FRMD6: variants seen among roughly 807,000 people sequenced by gnomAD.
The protein encoded by FRMD6 is FERM domain-containing protein 6.
In FRMD6, 37 loss-of-function variants were observed where a neutral mutation model predicts 73.2. The observed-to-expected ratio is 0.51, with a 90% CI of 0.39 to 0.66. The LOEUF is 0.66. Ranked by LOEUF, FRMD6 falls within the 30% of genes least tolerant of loss-of-function variation. The probability of loss-of-function intolerance (pLI) is 0.00; values close to 1 mark genes in which losing one functional copy is unlikely to be tolerated. For synonymous variants in FRMD6, 273 were observed against 282.2 expected (o/e 0.97, Z 0.33); for missense variants, 714 against 780.5 (o/e 0.91, Z 1.02).
chr14:51,503,952 A>C (rs901880921), intron 1 of FRMD6, among the ~76,000 whole-genome samples: 2 of 151,970 alleles, frequency 1.3e-5, no homozygotes, highest in South Asian at 4.2e-4. Context: ...TTCCTGGTTC[A>C]ATCTTGGGAG....
At chr14:51,488,809 TC>T (rs1323098562), upstream of FRMD6, among the ~76,000 whole-genome samples, 1 of 152,228 alleles carries the variant, frequency 6.6e-6, no homozygotes, top group Non-Finnish European at 1.5e-5. Context: ...CGAAGTTCGA[TC>T]CCTAACCAGT....
upstream of FRMD6, chr14:51,650,435 G>A (rs1009508529): frequency 8.7e-4 from 103 of 118,758 alleles, no homozygotes; most frequent in African/African-American, 3.2e-3. Context: ...TCGCTCTGTC[G>A]CCCAGGCTGG....
At chr14:51,419,184 G>T in the FRMD6 span, among the ~76,000 whole-genome samples, 45,714 of 152,040 alleles carry the variant, frequency 0.3, 7,352 homozygotes, top group African/African-American at 0.41. Context: ...TGTGGGCTGT[G>T]CCCACTGTCC....
chr14:51,610,006 C>T (rs1890422417), intron 2 of FRMD6, among the ~76,000 whole-genome samples: 1 of 152,118 alleles, frequency 6.6e-6, no homozygotes. Flanking sequence ...TCTTCCACAT[C>T]CAGCTGTATG....
At position 51,607,008 on chromosome 14, in the gene FRMD6, TG is replaced by T. The variant is rs1890284896; in HGVS notation, c.-147+36599del. 2.6e-5 allele frequency among the ~76,000 whole-genome samples: 4 copies of T among 152,148 alleles called. No homozygotes were observed. In the South Asian group the frequency reaches 8.3e-4, roughly 32 times the overall value. On this transcript the variant is annotated intron_variant, in intron 2 of 14. Coordinates refer to the FRMD6 transcript ENST00000356218. The stretch of plus-strand genomic sequence containing the variant: ...GCAGACAGGTCTGCACTTTCTTTTC[TG>T]TGTTTATTCTGTCCGGGTCCCCAGT...
chr14:51,600,471 G>A (rs1889978328), intron 2 of FRMD6, among the ~76,000 whole-genome samples: 1 of 152,226 alleles, frequency 6.6e-6, no homozygotes, highest in African/African-American at 2.4e-5. Flanking sequence ...AGAGTTCACT[G>A]TGAATATTTA....
At chr14:51,511,308 T>C (rs910740749) in intron 1 of FRMD6, among the ~76,000 whole-genome samples, 2 of 152,248 alleles carry the variant, frequency 1.3e-5, no homozygotes, top group Non-Finnish European at 2.9e-5. Context: ...GATGGTATCA[T>C]AGAGGCCAGT....
At chr14:51,402,913 C>A in the FRMD6 span, among the ~76,000 whole-genome samples, 1 of 152,134 alleles carries the variant, frequency 6.6e-6, no homozygotes, top group Admixed American at 6.5e-5. Context: ...GCTGGGATTA[C>A]AGGCGTGAGC....
chr14:51,551,064 C>T (rs1370602859), intron 1 of FRMD6, among the ~76,000 whole-genome samples: 1 of 152,138 alleles, frequency 6.6e-6, no homozygotes, highest in Non-Finnish European at 1.5e-5. Context: ...GCCAAGTGGA[C>T]TTTCTTCCAT....
chr14:51,513,070 C>G (rs1465800714), intron 1 of FRMD6, among the ~76,000 whole-genome samples: 1 of 152,216 alleles, frequency 6.6e-6, no homozygotes, highest in Non-Finnish European at 1.5e-5. Context: ...TGAGCCCTGA[C>G]AATGGTAGGA....
chr14:51,565,270 A>G (rs1471693291), intron 1 of FRMD6: 1 of 152,170 alleles, frequency 6.6e-6, no homozygotes, highest in African/African-American at 2.4e-5. Flanking sequence ...ATTTTTCCCA[A>G]ACTGAAATGA....
chr14:51,458,374 C>T, the FRMD6 span, among the ~76,000 whole-genome samples: 2 of 152,148 alleles, frequency 1.3e-5, no homozygotes, highest in African/African-American at 4.8e-5. Context: ...ATAGCATGTT[C>T]ACAGCTTCCA....
chr14:51,406,465 T>C, the FRMD6 span, among the ~76,000 whole-genome samples: 3 of 152,116 alleles, frequency 2.0e-5, no homozygotes, highest in Non-Finnish European at 1.5e-5. Flanking sequence ...CATGCGATGT[T>C]TTCTATTTGT....
At chr14:51,701,385 G>T (rs1896301655) in intron 4 of FRMD6, among the ~76,000 whole-genome samples, 1 of 141,228 alleles carries the variant, frequency 7.1e-6, no homozygotes, top group African/African-American at 2.6e-5. Flanking sequence ...TATATATATA[G>T]TAGTATATAT....
At chr14:51,423,460 G>A in the FRMD6 span, among the ~76,000 whole-genome samples, 2 of 152,188 alleles carry the variant, frequency 1.3e-5, no homozygotes, top group African/African-American at 4.8e-5. Flanking sequence ...TTGCATGGTG[G>A]TGTTACTATG....
the FRMD6 span, among the ~76,000 whole-genome samples, chr14:51,465,944 C>T: frequency 6.6e-6 from 1 of 152,274 alleles, no homozygotes; most frequent in Admixed American, 6.5e-5. Flanking sequence ...GTTCCAATTG[C>T]TCCATATCCT....
At chr14:51,474,445 C>T in the FRMD6 span, among the ~76,000 whole-genome samples, 1 of 152,274 alleles carries the variant, frequency 6.6e-6, no homozygotes, top group African/African-American at 2.4e-5. Flanking sequence ...CCTCAGAATC[C>T]TAGGCAGTGC....
intron 1 of FRMD6, among the ~76,000 whole-genome samples, chr14:51,534,294 G>A (rs969224445): frequency 6.6e-6 from 1 of 152,210 alleles, no homozygotes; most frequent in Non-Finnish European, 1.5e-5. Context: ...ATTACAGGGA[G>A]GAAAGATTTT....
At chr14:51,695,649 T>TTTC (rs1294923140) in intron 2 of FRMD6, among the ~76,000 whole-genome samples, 2 of 152,208 alleles carry the variant, frequency 1.3e-5, no homozygotes, top group African/African-American at 4.8e-5. Flanking sequence ...GATTCCTGCC[T>TTTC]TTCATTCATC....
Sources: gnomAD v4.1 joint callset for allele counts (sites outside exome capture counted in the v4.1 genomes callset) on GRCh38, gnomAD v4.1.1 for gene constraint, MANE v1.5 for transcripts, NCBI Gene and HGNC (gene_info 2026-07-23, HGNC 2026-07-21) for gene names.